The following SCN1A variants were observed in gnomAD, a reference collection of about 807,000 sequenced individuals.
SCN1A encodes sodium voltage-gated channel alpha subunit 1.
Under a neutral mutation model 193.7 loss-of-function variants are expected in SCN1A, and 13 were observed. The ratio of observed to expected loss-of-function variants is 0.07; its 90% CI spans 0.04 to 0.11. SCN1A has a LOEUF of 0.11. Among genes scored for constraint, SCN1A ranks in the 10% least tolerant of loss-of-function variants. The probability of loss-of-function intolerance (pLI) is 1.00; values close to 1 mark genes in which losing one functional copy is unlikely to be tolerated. For missense variants in SCN1A, 1,432 were observed against 2,451.1 expected (o/e 0.58, Z 8.78); for synonymous variants, 781 against 843.6 (o/e 0.93, Z 1.29).
At chr2:166,119,023 C>T (rs1170283046) in intron 2 of SCN1A, among the ~76,000 whole-genome samples, 2 of 152,150 alleles carry the variant, frequency 1.3e-5, no homozygotes, top group African/African-American at 4.8e-5. Flanking sequence ...CCTGTGCATG[C>T]ACAGTTCACA....
At chr2:166,072,575 G>A (rs1159729175) in intron 4 of SCN1A, among the ~76,000 whole-genome samples, 1 of 152,040 alleles carries the variant, frequency 6.6e-6, no homozygotes, top group Admixed American at 6.6e-5. Flanking sequence ...GAAATTAATT[G>A]ATTTGTTGTT....
upstream of SCN1A, among the ~76,000 whole-genome samples, chr2:166,131,607 C>T (rs1358924190): frequency 1.3e-5 from 2 of 152,110 alleles, no homozygotes; most frequent in East Asian, 1.9e-4. Flanking sequence ...GAGAGTCTCT[C>T]GATGCCATTA....
In SCN1A at chr2:166,017,109, A is replaced by G. The variant is rs535107464; in HGVS notation, c.3430-1382T>C. The stretch of plus-strand genomic sequence containing the variant: ...ACCTATAATGGCATGTAGCTCTGTC[A>G]TAGCTCTGTGAATTCAGGTTGAAGA... On this transcript the variant is annotated intron_variant, in intron 19 of 28. Transcript: ENST00000674923. Among the ~76,000 whole-genome samples, 50 of 151,462 alleles carry G rather than the reference A, an allele frequency of 3.3e-4. 2 individuals carry two copies. The South Asian group carries it at 7.5e-3, about 23-fold the overall frequency.
intron 23 of SCN1A, among the ~76,000 whole-genome samples, chr2:166,004,538 T>A (rs1691388191): frequency 6.6e-6 from 1 of 151,422 alleles, no homozygotes; most frequent in African/African-American, 2.4e-5. Context: ...CTCCTAACCT[T>A]CTCCTTCATT....
rs1698950030 is a variant in SCN1A at position 166,054,696 on chromosome 2, C to G, written c.544G>C (p.Asp182His). 2 of 1,612,234 alleles carry G rather than the reference C, an allele frequency of 1.2e-6. No homozygotes were observed. The highest frequency in any genetic ancestry group is 2.7e-5 in the African/African-American group (2 of 74,950). ...KIIARGFCLE[D>H]FTFLRDPWNW... The stretch of plus-strand genomic sequence containing the variant: ...CATGGATCCCGAAGGAAAGTAAAAT[C>G]TTCTAAACAGAATCCCCTTGCAATA... Residue 182 changes from aspartate (D) to histidine (H), a missense_variant, in exon 7 of 29, where the codon GAT becomes CAT. Physicochemically the swap from Asp to His is moderately conservative, Grantham distance 81 (BLOSUM62 -1). Transcript: ENST00000674923.
chr2:166,091,794 G>A (rs1350461403), intron 2 of SCN1A, among the ~76,000 whole-genome samples: 1 of 152,202 alleles, frequency 6.6e-6, no homozygotes, highest in Non-Finnish European at 1.5e-5. Context: ...CACTAGAATT[G>A]TATGCATAAT....
intron 16 of SCN1A, among the ~76,000 whole-genome samples, chr2:166,040,264 C>T (rs915139593): frequency 2.0e-5 from 3 of 152,062 alleles, no homozygotes; most frequent in Admixed American, 2.0e-4. Flanking sequence ...ACCAAACTAC[C>T]TTTTTGTCCA....
intron 19 of SCN1A, among the ~76,000 whole-genome samples, chr2:166,034,301 G>C (rs1004603296): frequency 6.6e-6 from 1 of 152,120 alleles, no homozygotes; most frequent in Non-Finnish European, 1.5e-5. Context: ...CCTAAAAGTG[G>C]AGGCTGACCT....
At chr2:166,132,271 C>A (rs1316227687), upstream of SCN1A, among the ~76,000 whole-genome samples, 4 of 152,154 alleles carry the variant, frequency 2.6e-5, 1 homozygote, top group South Asian at 8.3e-4. Context: ...CTGACTTTGC[C>A]CCCTTTTGAT....
chr2:166,136,381 T>C (rs1691858873), intron 1 of SCN1A, among the ~76,000 whole-genome samples: 1 of 152,108 alleles, frequency 6.6e-6, no homozygotes, highest in South Asian at 2.1e-4. Context: ...TTTGCTCTAC[T>C]TCACATGGTA....
chr2:166,035,174 A>C (rs138613480), intron 19 of SCN1A, among the ~76,000 whole-genome samples: 2 of 152,048 alleles, frequency 1.3e-5, no homozygotes, highest in Non-Finnish European at 2.9e-5. Context: ...TCTAAGTTCA[A>C]CTCTCGGCAC....
intron 1 of SCN1A, among the ~76,000 whole-genome samples, chr2:166,141,257 T>C (rs920647361): frequency 6.6e-6 from 1 of 152,152 alleles, no homozygotes; most frequent in Non-Finnish European, 1.5e-5. Context: ...AAAAATTAAC[T>C]TTCCAGTTTC....
chr2:166,078,904 A>G (rs1208654675), intron 2 of SCN1A, among the ~76,000 whole-genome samples: 2 of 151,680 alleles, frequency 1.3e-5, no homozygotes. Flanking sequence ...AAATTTTTCA[A>G]ATGATAGATT....
chr2:166,146,747 G>A (rs1692338335), intron 1 of SCN1A, among the ~76,000 whole-genome samples: 1 of 152,194 alleles, frequency 6.6e-6, no homozygotes, highest in Non-Finnish European at 1.5e-5. Flanking sequence ...AAACAGATAA[G>A]TCCTCTAGTA....
intron 19 of SCN1A, among the ~76,000 whole-genome samples, chr2:166,027,730 A>G (rs891809373): frequency 5.3e-5 from 8 of 152,092 alleles, no homozygotes; most frequent in Non-Finnish European, 1.0e-4. Context: ...TGACACATAT[A>G]TCTCCTAAGT....
At position 166,045,121 on chromosome 2, in the gene SCN1A, G is replaced by C; in HGVS notation, c.1584C>G (p.Ser528Arg). The change falls in exon 13 of 29, where the codon AGC becomes AGG. Residue 528 changes from serine to arginine, a missense_variant. By Grantham distance (110) the Ser-to-Arg change is moderately radical (BLOSUM62 -1). Around this residue, in one of 18 missense-constraint regions of SCN1A, gnomAD observed 316 missense variants for 362.1 expected, o/e 0.87. Transcript: ENST00000674923. ...AGAAGCGAAAACCTTTCCTCCTGAT[G>C]CTGTCCTCAGATTCAGATTTTTGGA... ...DEFQKSESED[S>R]IRRKGFRFSI... 6.2e-7 allele frequency: 1 copy of C among 1,614,106 alleles called. No homozygotes were observed. Among genetic ancestry groups the C allele is most frequent in the African/African-American group, 1.3e-5 (1 of 75,054 alleles).
At chr2:166,136,109 C>T (rs1691845244) in intron 1 of SCN1A, among the ~76,000 whole-genome samples, 1 of 152,154 alleles carries the variant, frequency 6.6e-6, no homozygotes, top group Admixed American at 6.5e-5. Context: ...TCCTTGTTTC[C>T]ATGTTGCACT....
chr2:166,079,806 ATTAG>A (rs1269710594), intron 2 of SCN1A, among the ~76,000 whole-genome samples: 4 of 151,562 alleles, frequency 2.6e-5, no homozygotes, highest in African/African-American at 7.2e-5. Context: ...ATAATTATAA[ATTAG>A]TTAGATACAG....
intron 23 of SCN1A, among the ~76,000 whole-genome samples, chr2:166,005,769 G>A (rs1047775741): frequency 2.0e-5 from 3 of 151,262 alleles, no homozygotes; most frequent in African/African-American, 7.3e-5. Context: ...TGGTTCTTAT[G>A]GGGGGAAGAA....
Sources: gnomAD v4.1 joint callset for allele counts (sites outside exome capture counted in the v4.1 genomes callset) on GRCh38, gnomAD v4.1.1 for gene constraint, gnomAD v4.1.1 regional missense constraint, MANE v1.5 for transcripts, NCBI Gene and HGNC (gene_info 2026-07-23, HGNC 2026-07-21) for gene names.